The following CFAP44 variants were observed in gnomAD, a reference collection of about 807,000 sequenced individuals.
CFAP44 encodes the protein cilia- and flagella-associated protein 44.
In CFAP44, 134 loss-of-function variants were observed where a neutral mutation model predicts 216.2. That is an observed-to-expected ratio of 0.62 (90% confidence interval 0.54 to 0.72). The LOEUF (loss-of-function observed/expected upper bound fraction) is 0.72, where lower values mean the gene tolerates loss of function less well. CFAP44 is among the 30% of genes least tolerant of loss of function. The pLI is 0.00. For missense variants in CFAP44, 2,035 were observed against 2,182.1 expected, an observed-to-expected ratio of 0.93 and a Z score of 1.34; for synonymous variants, 700 against 727.6, an observed-to-expected ratio of 0.96 and a Z score of 0.61.
intron 9 of CFAP44, among the ~76,000 whole-genome samples, chr3:113,401,988 A>C (rs1934155396): frequency 6.6e-6 from 1 of 152,202 alleles, no homozygotes. Context: ...ACAGCCTTGC[A>C]TAAGAATTCT....
chr3:113,420,304 T>G, intron 4 of CFAP44, 125 bp from the exon 5 acceptor site: 1 of 1,005,970 alleles, frequency 9.9e-7, no homozygotes, highest in South Asian at 3.5e-5. Flanking sequence ...TAGTTGAATT[T>G]TACCCTGAAA....
intron 28 of CFAP44, among the ~76,000 whole-genome samples, chr3:113,316,646 A>G (rs568935032): frequency 6.6e-6 from 1 of 152,230 alleles, no homozygotes; most frequent in South Asian, 2.1e-4. Context: ...AGGTGGGTGG[A>G]TCACTTGAGG....
At chr3:113,320,164 C>A (rs958489481) in intron 28 of CFAP44, among the ~76,000 whole-genome samples, 1 of 151,804 alleles carries the variant, frequency 6.6e-6, no homozygotes. Context: ...ACCAGACATA[C>A]AAAGAAGAAT....
At position 113,407,351 on chromosome 3, in the gene CFAP44, T is replaced by C. The variant is rs76515327; in HGVS notation, c.891-310A>G. Among the ~76,000 whole-genome samples, 32 of 151,972 alleles carry C rather than the reference T, an allele frequency of 2.1e-4. 1 individual carries two copies. In the East Asian group the frequency reaches 6.0e-3, roughly 28 times the overall value. On this transcript the variant is annotated intron_variant, in intron 7 of 34. Transcript: ENST00000393845. ...TATTTAAATTTAGATTTAAAGTAAT[T>C]AACATTAAATAAAATCAACATTTTA...
chr3:113,441,396 G>A, intron 1 of CFAP44, 57 bp downstream of exon 1: 1 of 985,862 alleles, frequency 1.0e-6, no homozygotes, highest in African/African-American at 1.7e-5. Flanking sequence ...TGCCCTCTGA[G>A]CCACAGATTT....
rs184407325 is a variant in CFAP44, at chr3:113,374,196, G to A, written c.2299-640C>T. On this transcript the variant is annotated intron_variant, in intron 17 of 34. Coordinates refer to ENST00000393845, the MANE Select transcript of CFAP44 (RefSeq NM_001164496.2). ...TTTCACTTTTGACAACAGCAGACTA[G>A]ATTGTTTCAGCCAAACTCTCCCACT... Among the ~76,000 whole-genome samples, 40 of 151,992 alleles carry A rather than the reference G, an allele frequency of 2.6e-4. No homozygotes were observed. In the East Asian group the frequency reaches 6.0e-3, roughly 23 times the overall value.
In CFAP44 at chr3:113,402,861, G is replaced by A. The variant is rs150696585; in HGVS notation, c.1170+991C>T. On this transcript the variant is annotated intron_variant, in intron 9 of 34. Coordinates refer to ENST00000393845, the MANE Select transcript of CFAP44 (RefSeq NM_001164496.2). ...TGGTATTTAGACATTTTGGGGTAAC[G>A]TATATCTTGGAAAGATAGCAAATAT... is the stretch of plus-strand genomic sequence containing the variant. Among the ~76,000 whole-genome samples the A allele has an allele frequency of 1.9e-3, 282 of 152,236 alleles. 3 individuals carry two copies. Among genetic ancestry groups the A allele is most frequent in the African/African-American group, 6.5e-3 (270 of 41,526 alleles).
At chr3:113,372,802 A>T (rs774405832) in intron 18 of CFAP44, among the ~76,000 whole-genome samples, 2 of 152,156 alleles carry the variant, frequency 1.3e-5, no homozygotes, top group Non-Finnish European at 2.9e-5. Flanking sequence ...CAGAGAAAAG[A>T]TCATGCAAGA....
chr3:113,347,306 TG>T (rs1950394896), intron 22 of CFAP44, among the ~76,000 whole-genome samples: 1 of 152,192 alleles, frequency 6.6e-6, no homozygotes, highest in Non-Finnish European at 1.5e-5. Flanking sequence ...CATTCAGTTC[TG>T]GGGTTCTGAC....
intron 24 of CFAP44, among the ~76,000 whole-genome samples, chr3:113,340,976 A>G (rs1442134512): frequency 6.6e-6 from 1 of 151,856 alleles, no homozygotes; most frequent in Non-Finnish European, 1.5e-5. Context: ...TGTCCCGCCA[A>G]ACTCTGCCTC....
At chr3:113,328,365 C>G (rs1950206478) in intron 26 of CFAP44, among the ~76,000 whole-genome samples, 1 of 149,988 alleles carries the variant, frequency 6.7e-6, no homozygotes, top group African/African-American at 2.5e-5. Flanking sequence ...CGAAGTATCC[C>G]AAGTCCTGGT....
At chr3:113,292,246 T>C (rs553319701) in intron 34 of CFAP44, among the ~76,000 whole-genome samples, 12 of 152,304 alleles carry the variant, frequency 7.9e-5, no homozygotes, top group Admixed American at 6.5e-5. Context: ...TATACATCAC[T>C]ATAATTTACA....
At chr3:113,299,096 C>G (rs1426865724) in intron 32 of CFAP44, among the ~76,000 whole-genome samples, 1 of 152,038 alleles carries the variant, frequency 6.6e-6, no homozygotes, top group African/African-American at 2.4e-5. Flanking sequence ...TCAAAAGCCA[C>G]CATAAAACAA....
In CFAP44 at chr3:113,358,889, G is replaced by A. The variant is rs879431017; in HGVS notation, c.2935-14C>T. The A allele has an allele frequency of 1.3e-5, 20 of 1,534,286 alleles. No homozygotes were observed. Among genetic ancestry groups the A allele is most frequent in the Admixed American group, 2.0e-5 (1 of 50,620 alleles). ...TACATCAAAATCCTGCAGATAAGAA[G>A]ATCTGTTCATCAAAATGGGTACTGT... On this transcript the variant is annotated splice_polypyrimidine_tract_variant and intron_variant, in intron 21 of 34. Coordinates refer to ENST00000393845, the MANE Select transcript of CFAP44 (RefSeq NM_001164496.2).
Position 113,363,235 on chromosome 3 carries a change from C to T in CFAP44, c.2844G>A (p.Lys948=), listed in dbSNP as rs776728539. 33 of 1,613,314 alleles carry T rather than the reference C, an allele frequency of 2.0e-5. No homozygotes were observed. Among genetic ancestry groups the T allele is most frequent in the Middle Eastern group, 1.6e-4 (1 of 6,078 alleles). Residue 948 remains lysine (K), a synonymous_variant, in exon 21 of 35, where the codon AAG becomes AAA. Coordinates refer to ENST00000393845, the MANE Select transcript of CFAP44 (RefSeq NM_001164496.2). ...MKEVGEIKAR[K]REQIKALRSE... ...TCCTCAAAGCTTTGATTTGCTCTCT[C>T]TTCCGTGCCTTTATTTCTCCCACTT...
intron 13 of CFAP44, among the ~76,000 whole-genome samples, chr3:113,399,622 G>C (rs1934087876): frequency 6.6e-6 from 1 of 152,138 alleles, no homozygotes; most frequent in African/African-American, 2.4e-5. Context: ...ATCAGAGTCA[G>C]ATGGATCGAG....
chr3:113,369,090 A>G (rs1933058087), intron 18 of CFAP44, among the ~76,000 whole-genome samples: 1 of 152,154 alleles, frequency 6.6e-6, no homozygotes, highest in South Asian at 2.1e-4. Context: ...CATAAAGCAA[A>G]TCCTTAGAAA....
At chr3:113,363,618 C>G in intron 19 of CFAP44, 86 bp from the exon 20 acceptor site, 1 of 1,217,970 alleles carries the variant, frequency 8.2e-7, no homozygotes, top group South Asian at 1.9e-5. Context: ...ATTAAAAACT[C>G]AAATTGGTTC....
intron 34 of CFAP44, among the ~76,000 whole-genome samples, chr3:113,292,693 C>T (rs1949842313): frequency 6.6e-6 from 1 of 152,194 alleles, no homozygotes; most frequent in Non-Finnish European, 1.5e-5. Context: ...AACAGGTTGC[C>T]TGATGCTAAA....
Sources: gnomAD v4.1 joint callset for allele counts (sites outside exome capture counted in the v4.1 genomes callset) on GRCh38, gnomAD v4.1.1 for gene constraint, MANE v1.5 for transcripts, NCBI Gene and HGNC (gene_info 2026-07-23, HGNC 2026-07-21) for gene names.